ACBD6: variants seen among roughly 807,000 people sequenced by gnomAD.
The protein encoded by ACBD6 is acyl-CoA-binding domain-containing protein 6.
ACBD6 carries 28 observed loss-of-function variants against 37.2 expected under a neutral mutation model. The observed-to-expected ratio is 0.75, with a 90% CI of 0.56 to 1.03. The LOEUF (loss-of-function observed/expected upper bound fraction) is 1.03. ACBD6 is among the 50% of genes least tolerant of loss of function. The pLI is 0.00. For missense variants in ACBD6, 340 were observed against 337.4 expected, an observed-to-expected ratio of 1.01 and a Z score of -0.06; for synonymous variants, 113 against 126.8, an observed-to-expected ratio of 0.89 and a Z score of 0.73.
intron 7 of ACBD6, among the ~76,000 whole-genome samples, chr1:180,305,769 T>A (rs1417915396): frequency 6.6e-6 from 1 of 152,140 alleles, no homozygotes; most frequent in Non-Finnish European, 1.5e-5. Flanking sequence ...CCCAAAAAAG[T>A]ATAAATCATG....
intron 6 of ACBD6, among the ~76,000 whole-genome samples, chr1:180,341,345 T>C (rs1025857789): frequency 6.6e-6 from 1 of 152,136 alleles, no homozygotes. Flanking sequence ...AATAATAAAG[T>C]AGGTTATAAA....
rs747914361 is a variant in ACBD6 at position 180,398,062 on chromosome 1, A to AACT, written c.574-458_574-457insAGT. 2.5e-3 allele frequency among the ~76,000 whole-genome samples: 37 copies of AACT among 14,722 alleles called. 1 individual carries two copies. In the South Asian group the frequency reaches 0.087, roughly 35 times the overall value. 9.7% of individuals were successfully genotyped at this position (14,722 alleles called of 152,430 possible). Reference sequence around the variant, plus strand: ...GGCAAAACTCCATCTCAAAAACTACAACAACAACAACAACAACAACAACAA... The same window carrying AACT: ...GGCAAAACTCCATCTCAAAAACTACAACTACAACAACAACAACAACAACAACAA... On this transcript the variant is annotated intron_variant, in intron 5 of 7. Transcript: ENST00000367595.
chr1:180,330,559 G>C (rs1374022576), intron 6 of ACBD6, among the ~76,000 whole-genome samples: 3 of 152,142 alleles, frequency 2.0e-5, no homozygotes, highest in African/African-American at 7.2e-5. Context: ...AACAGTAAAA[G>C]CTAACTTAAA....
chr1:180,400,009 G>T (rs541257500), intron 5 of ACBD6, among the ~76,000 whole-genome samples: 1 of 152,194 alleles, frequency 6.6e-6, no homozygotes, highest in African/African-American at 2.4e-5. Flanking sequence ...ACCATAAGAT[G>T]TATAGATAAT....
intron 6 of ACBD6, among the ~76,000 whole-genome samples, chr1:180,346,015 T>G (rs1040718800): frequency 7.2e-5 from 11 of 152,206 alleles, no homozygotes; most frequent in Non-Finnish European, 1.5e-4. Context: ...CAGCAAGTGC[T>G]GGAGATCTGA....
At chr1:180,440,096 A>G (rs1360342296) in intron 3 of ACBD6, among the ~76,000 whole-genome samples, 3 of 151,908 alleles carry the variant, frequency 2.0e-5, no homozygotes, top group Non-Finnish European at 2.9e-5. Context: ...GTTTATTTGG[A>G]AAAAGTTTTT....
chr1:180,361,539 C>T (rs1161368298), intron 6 of ACBD6, among the ~76,000 whole-genome samples: 1 of 152,098 alleles, frequency 6.6e-6, no homozygotes, highest in Non-Finnish European at 1.5e-5. Context: ...ATAAGTGATG[C>T]TTCTCTGTTG....
At chr1:180,479,259 G>A (rs778439652) in intron 3 of ACBD6, among the ~76,000 whole-genome samples, 13 of 152,132 alleles carry the variant, frequency 8.5e-5, no homozygotes, top group East Asian at 3.9e-4. Context: ...TGTCTATCAC[G>A]GATGAATGAA....
chr1:180,363,168 TTA>T (rs1352725947), intron 6 of ACBD6, among the ~76,000 whole-genome samples: 2 of 152,234 alleles, frequency 1.3e-5, no homozygotes, highest in African/African-American at 4.8e-5. Flanking sequence ...GCAGTACAGA[TTA>T]AACAGGATTG....
At chr1:180,490,709 C>G (rs1448541816) in intron 3 of ACBD6, among the ~76,000 whole-genome samples, 3 of 151,050 alleles carry the variant, frequency 2.0e-5, no homozygotes, top group Non-Finnish European at 4.4e-5. Flanking sequence ...TGGCGGGAAC[C>G]CAGGAGGCAG....
At chr1:180,473,277 C>T (rs1460036724) in intron 3 of ACBD6, among the ~76,000 whole-genome samples, 4 of 151,740 alleles carry the variant, frequency 2.6e-5, no homozygotes, top group African/African-American at 9.7e-5. Flanking sequence ...GAAACCCTGT[C>T]TCTACTAAAA....
chr1:180,387,897 C>T (rs966239143), intron 6 of ACBD6, among the ~76,000 whole-genome samples: 6 of 152,072 alleles, frequency 3.9e-5, no homozygotes, highest in East Asian at 1.9e-4. Flanking sequence ...CCAGAGAAGC[C>T]GGGCACGGTG....
chr1:180,271,088 A>G (rs1182562072), exon 14 of ACBD6: 2 of 485,224 alleles, frequency 4.1e-6, no homozygotes, highest in South Asian at 2.0e-5. Context: ...AATTGGGTAC[A>G]TTCAATCTGA....
At chr1:180,310,374 C>T (rs1650539519) in intron 7 of ACBD6, among the ~76,000 whole-genome samples, 1 of 151,872 alleles carries the variant, frequency 6.6e-6, no homozygotes, top group African/African-American at 2.4e-5. Context: ...AACAAACAAA[C>T]AAAAAAACCC....
At chr1:180,387,811 T>C (rs952294229) in intron 6 of ACBD6, among the ~76,000 whole-genome samples, 2 of 152,192 alleles carry the variant, frequency 1.3e-5, no homozygotes, top group African/African-American at 2.4e-5. Context: ...GCTTTTCTTA[T>C]CTGCACCCAT....
At chr1:180,498,839 C>G (rs1367529796) in intron 1 of ACBD6, among the ~76,000 whole-genome samples, 1 of 144,556 alleles carries the variant, frequency 6.9e-6, no homozygotes, top group Non-Finnish European at 1.5e-5. Context: ...GCCTGGATGA[C>G]AGAGCAAAAC....
intron 3 of ACBD6, among the ~76,000 whole-genome samples, chr1:180,466,008 G>T (rs1273741224): frequency 6.6e-6 from 1 of 152,084 alleles, no homozygotes; most frequent in Non-Finnish European, 1.5e-5. Context: ...CTACTTGAGG[G>T]GGGAGGGTGG....
rs566612647 is a variant in ACBD6 at position 180,388,706 on chromosome 1, G to C, written c.663+8810C>G. On this transcript the variant is annotated intron_variant, in intron 6 of 7. Transcript: ENST00000367595. ...TCCTCCTGCCTTGGCCTTCCAAAGTGCTGGGATTACAGGTGTGACCCATCA... is the reference window on the plus strand; with the variant it reads ...TCCTCCTGCCTTGGCCTTCCAAAGTCCTGGGATTACAGGTGTGACCCATCA... Among the ~76,000 whole-genome samples the C allele has an allele frequency of 2.0e-5, 3 of 152,006 alleles. No individual in the cohort carries two copies. In the East Asian group the frequency reaches 5.8e-4, roughly 29 times the overall value.
chr1:180,473,653 T>C (rs1051714638), intron 3 of ACBD6, among the ~76,000 whole-genome samples: 16 of 152,132 alleles, frequency 1.1e-4, no homozygotes, highest in African/African-American at 3.9e-4. Flanking sequence ...ATAGATAGGA[T>C]TGTTTGGAAT....
Sources: allele counts gnomAD v4.1 joint callset (sites outside exome capture counted in the v4.1 genomes callset), GRCh38; gene constraint gnomAD v4.1.1; transcripts MANE v1.5; gene names NCBI Gene and HGNC (gene_info 2026-07-23, HGNC 2026-07-21).